The following CACNA2D3 variants were observed in gnomAD, a reference collection of about 807,000 sequenced individuals.
CACNA2D3 encodes calcium voltage-gated channel auxiliary subunit alpha2delta 3.
Under a neutral mutation model 160.6 loss-of-function variants are expected in CACNA2D3, and 60 were observed. The observed-to-expected ratio is 0.37, with a 90% CI of 0.30 to 0.46. CACNA2D3 has a LOEUF of 0.46. Ranked by LOEUF, CACNA2D3 falls within the 20% of genes least tolerant of loss-of-function variation. The pLI is 1.00. For synonymous variants in CACNA2D3, 558 were observed against 492.9 expected (o/e 1.13, Z -1.75); for missense variants, 1,205 against 1,365.0 (o/e 0.88, Z 1.85).
intron 9 of CACNA2D3, among the ~76,000 whole-genome samples, chr3:54,602,368 A>G (rs1242983639): frequency 1.3e-5 from 2 of 151,844 alleles, no homozygotes; most frequent in Non-Finnish European, 2.9e-5. Flanking sequence ...CATGGTGGCA[A>G]GCACCTGTAG....
chr3:54,658,584 A>G (rs1480686474), intron 11 of CACNA2D3, among the ~76,000 whole-genome samples: 2 of 152,226 alleles, frequency 1.3e-5, no homozygotes, highest in African/African-American at 2.4e-5. Context: ...TATCAGATAA[A>G]TGGTTTATAA....
chr3:54,131,972 CAATATTGTAAA>C (rs71617788), intron 2 of CACNA2D3, among the ~76,000 whole-genome samples: 23,937 of 152,084 alleles, frequency 0.16, 1,960 homozygotes, highest in East Asian at 0.19. Context: ...AGAGGTGGAA[CAATATTGTAAA>C]AAGAACAATA....
chr3:54,387,170 T>C (rs752074762), intron 4 of CACNA2D3, among the ~76,000 whole-genome samples: 4 of 152,240 alleles, frequency 2.6e-5, no homozygotes, highest in Non-Finnish European at 5.9e-5. Context: ...GGATCTATCC[T>C]TGAATTGATT....
In CACNA2D3 at chr3:54,158,200, G is replaced by C. The variant is rs573303084; in HGVS notation, c.204+34606G>C. On this transcript the variant is annotated intron_variant, in intron 2 of 37. Transcript: ENST00000474759. ...GTGGCATTTTATTTGGCCTCTCTAG[G>C]GGGTGTATTTTCGAGCAGCAGCTGT... Among the ~76,000 whole-genome samples, 17 of 152,286 alleles carry C rather than the reference G, an allele frequency of 1.1e-4. No individual in the cohort carries two copies. The South Asian group carries it at 3.3e-3, about 30-fold the overall frequency.
chr3:54,559,053 A>T (rs983545198), intron 5 of CACNA2D3, among the ~76,000 whole-genome samples: 2 of 152,112 alleles, frequency 1.3e-5, no homozygotes, highest in Non-Finnish European at 2.9e-5. Flanking sequence ...CTTCCTCATC[A>T]TTAATAACTC....
intron 35 of CACNA2D3, among the ~76,000 whole-genome samples, chr3:55,054,071 GT>G (rs944814966): frequency 6.7e-6 from 1 of 150,272 alleles, no homozygotes; most frequent in African/African-American, 2.4e-5. Context: ...TTTTGTATTG[GT>G]TGCACTAAGG....
chr3:54,286,699 A>G (rs1382258076), intron 2 of CACNA2D3, among the ~76,000 whole-genome samples: 1 of 152,230 alleles, frequency 6.6e-6, no homozygotes, highest in African/African-American at 2.4e-5. Context: ...GTTACCCACA[A>G]AGGGAAGCGC....
intron 4 of CACNA2D3, among the ~76,000 whole-genome samples, chr3:54,471,590 C>T (rs930619229): frequency 2.6e-5 from 4 of 151,828 alleles, no homozygotes; most frequent in Non-Finnish European, 5.9e-5. Flanking sequence ...GAAAACTCTT[C>T]AAAATAATCA....
chr3:54,434,850 G>C (rs1308563634), intron 4 of CACNA2D3, among the ~76,000 whole-genome samples: 1 of 152,108 alleles, frequency 6.6e-6, no homozygotes, highest in Non-Finnish European at 1.5e-5. Context: ...TCGTTTTAAG[G>C]TTTATGAAAG....
chr3:55,018,338 C>G, intron 35 of CACNA2D3, 21 bp downstream of exon 35: 1 of 1,443,994 alleles, frequency 6.9e-7, no homozygotes, highest in East Asian at 2.3e-5. Context: ...CCCCCACCCT[C>G]TAACCCCCTA....
At chr3:54,446,558 G>T (rs1700224913) in intron 4 of CACNA2D3, among the ~76,000 whole-genome samples, 2 of 152,106 alleles carry the variant, frequency 1.3e-5, no homozygotes, top group Non-Finnish European at 2.9e-5. Flanking sequence ...CAGAATTGAT[G>T]GGTATTCACC....
intron 4 of CACNA2D3, among the ~76,000 whole-genome samples, chr3:54,387,740 T>TA (rs1447506818): frequency 1.3e-5 from 2 of 152,266 alleles, no homozygotes; most frequent in East Asian, 3.9e-4. Flanking sequence ...AATTGGCACT[T>TA]TGAGTTTTGT....
intron 3 of CACNA2D3, among the ~76,000 whole-genome samples, chr3:54,337,503 C>T (rs916215876): frequency 1.3e-5 from 2 of 152,130 alleles, no homozygotes; most frequent in Admixed American, 1.3e-4. Context: ...TTAATACCTG[C>T]ATTGCTTAAG....
At chr3:54,758,247 G>C (rs1369821287) in intron 12 of CACNA2D3, among the ~76,000 whole-genome samples, 1 of 152,234 alleles carries the variant, frequency 6.6e-6, no homozygotes, top group East Asian at 1.9e-4. Flanking sequence ...TATTTCCCCA[G>C]TGTGTACCTT....
At chr3:54,816,762 G>C in intron 13 of CACNA2D3, 91 bp from the exon 14 acceptor site, 1 of 1,479,476 alleles carries the variant, frequency 6.8e-7, no homozygotes, top group Non-Finnish European at 9.2e-7. Context: ...TTCTCCATTT[G>C]CAAATGGCAA....
intron 2 of CACNA2D3, among the ~76,000 whole-genome samples, chr3:54,271,077 TG>T (rs1229818791): frequency 2.0e-5 from 3 of 152,154 alleles, no homozygotes; most frequent in African/African-American, 4.8e-5. Context: ...TGACAGCTGG[TG>T]GTAACAGAAT....
At chr3:54,366,184 G>C (rs1698824690) in intron 3 of CACNA2D3, among the ~76,000 whole-genome samples, 1 of 152,226 alleles carries the variant, frequency 6.6e-6, no homozygotes, top group Non-Finnish European at 1.5e-5. Flanking sequence ...GTTCAGCAAA[G>C]TTTTCATGGA....
intron 12 of CACNA2D3, among the ~76,000 whole-genome samples, chr3:54,763,835 G>GTA (rs1702157061): frequency 1.3e-5 from 1 of 76,314 alleles, no homozygotes; most frequent in African/African-American, 4.9e-5. Flanking sequence ...GTATATATAT[G>GTA]TATATATATG....
chr3:54,408,017 T>C (rs887591526), intron 4 of CACNA2D3, among the ~76,000 whole-genome samples: 1 of 152,198 alleles, frequency 6.6e-6, no homozygotes, highest in Non-Finnish European at 1.5e-5. Flanking sequence ...GTACTGTGAA[T>C]ATGGCCCTGA....
Sources: allele counts gnomAD v4.1 joint callset (sites outside exome capture counted in the v4.1 genomes callset), GRCh38; gene constraint gnomAD v4.1.1; transcripts MANE v1.5; gene names NCBI Gene and HGNC (gene_info 2026-07-23, HGNC 2026-07-21).